The following SAMD12 variants were observed in gnomAD, a reference collection of about 807,000 sequenced individuals.
SAMD12 encodes the protein sterile alpha motif domain containing 12.
SAMD12 carries 9 observed loss-of-function variants against 15.0 expected under a neutral mutation model. That is an observed-to-expected ratio of 0.60 (90% CI 0.36 to 1.05). SAMD12 has a LOEUF of 1.05. SAMD12 is among the 50% of genes least tolerant of loss of function. The pLI is 0.01. For synonymous variants in SAMD12, 86 were observed against 90.1 expected (o/e 0.96, Z 0.25); for missense variants, 230 against 234.2 (o/e 0.98, Z 0.12).
intron 3 of SAMD12, among the ~76,000 whole-genome samples, chr8:118,417,344 A>T (rs1012868366): frequency 1.6e-4 from 24 of 152,174 alleles, no homozygotes; most frequent in African/African-American, 5.8e-4. Context: ...TTGGCCTCCC[A>T]AAGTGCTAGG....
the SAMD12 span, among the ~76,000 whole-genome samples, chr8:118,154,507 G>A: frequency 2.4e-4 from 37 of 152,180 alleles, no homozygotes; most frequent in Middle Eastern, 6.8e-3. Context: ...TGCATGTATC[G>A]ATTACTCAGA....
At chr8:118,238,403 C>T (rs1235716406) in intron 4 of SAMD12, among the ~76,000 whole-genome samples, 1 of 152,088 alleles carries the variant, frequency 6.6e-6, no homozygotes, top group Non-Finnish European at 1.5e-5. Context: ...TAAGTGCATT[C>T]TCATTGTTGT....
chr8:118,304,759 C>CATAA (rs55985938), intron 4 of SAMD12, among the ~76,000 whole-genome samples: 68,666 of 141,234 alleles, frequency 0.49, 18,408 homozygotes, highest in Non-Finnish European at 0.6. Context: ...GACTCCATCT[C>CATAA]ATAAATAAAT....
rs73317395 is a variant in SAMD12 at position 118,527,733 on chromosome 8, T to A, written c.192+52982A>T. On this transcript the variant is annotated intron_variant, in intron 2 of 3. Coordinates refer to ENST00000314727, the MANE Select transcript of SAMD12 (RefSeq NM_207506.3). ...AGCAGTCTTTATTATATTTTTGAAA[T>A]CCCCACTTATTCCTACTTAATCTTG... Among the ~76,000 whole-genome samples, 1,291 of 152,246 alleles carry A rather than the reference T, an allele frequency of 8.5e-3. 23 individuals carry two copies. Among genetic ancestry groups the A allele is most frequent in the African/African-American group, 0.029 (1,226 of 41,560 alleles).
At chr8:118,335,352 T>C (rs1817007164) in intron 4 of SAMD12, among the ~76,000 whole-genome samples, 1 of 152,182 alleles carries the variant, frequency 6.6e-6, no homozygotes. Context: ...TCCCACTCTC[T>C]CACCCAATAC....
At chr8:118,449,387 C>A (rs1435908775) in intron 2 of SAMD12, among the ~76,000 whole-genome samples, 1 of 151,724 alleles carries the variant, frequency 6.6e-6, no homozygotes, top group Non-Finnish European at 1.5e-5. Context: ...TGGATTCCAG[C>A]CAACTTGAGC....
intron 2 of SAMD12, among the ~76,000 whole-genome samples, chr8:118,494,741 C>T (rs933922025): frequency 1.3e-5 from 2 of 152,146 alleles, no homozygotes; most frequent in Non-Finnish European, 2.9e-5. Context: ...CCTTCATCTC[C>T]TTATCTTTTA....
At chr8:118,575,546 A>C (rs907685921) in intron 2 of SAMD12, among the ~76,000 whole-genome samples, 3 of 152,188 alleles carry the variant, frequency 2.0e-5, no homozygotes, top group African/African-American at 4.8e-5. Flanking sequence ...CCTCCAGATT[A>C]TTAGCCAGAA....
At chr8:118,171,166 C>A in the SAMD12 span, among the ~76,000 whole-genome samples, 1 of 152,102 alleles carries the variant, frequency 6.6e-6, no homozygotes, top group Non-Finnish European at 1.5e-5. Flanking sequence ...GAAAAGGTTG[C>A]AAAATGACAA....
chr8:118,412,886 G>A (rs1254949747), intron 3 of SAMD12, among the ~76,000 whole-genome samples: 4 of 152,164 alleles, frequency 2.6e-5, no homozygotes, highest in African/African-American at 9.7e-5. Flanking sequence ...CTTGGCAGTG[G>A]GGTGGTACTG....
chr8:118,276,560 T>G (rs1813479314), intron 4 of SAMD12, among the ~76,000 whole-genome samples: 1 of 152,228 alleles, frequency 6.6e-6, no homozygotes, highest in South Asian at 2.1e-4. Flanking sequence ...TTGACAACTT[T>G]TGTCTTTTAA....
At chr8:118,252,315 G>A (rs1381378708) in intron 4 of SAMD12, among the ~76,000 whole-genome samples, 1 of 152,194 alleles carries the variant, frequency 6.6e-6, no homozygotes, top group Non-Finnish European at 1.5e-5. Flanking sequence ...GATGGAGACA[G>A]GGATGCTCAT....
At chr8:118,389,117 C>CAAA (rs1339265357) in intron 3 of SAMD12, among the ~76,000 whole-genome samples, 1 of 152,144 alleles carries the variant, frequency 6.6e-6, no homozygotes, top group African/African-American at 2.4e-5. Context: ...CATCCCTCTC[C>CAAA]AGCATTTCAC....
chr8:118,439,266 C>G (rs1454054130), intron 3 of SAMD12, among the ~76,000 whole-genome samples: 2 of 152,082 alleles, frequency 1.3e-5, no homozygotes, highest in Non-Finnish European at 2.9e-5. Context: ...TTATTATATT[C>G]CATTTCAGAA....
At position 118,386,470 on chromosome 8, in the gene SAMD12, T is replaced by C. The variant is rs574957678; in HGVS notation, c.323-6770A>G. Among the ~76,000 whole-genome samples, 3 of 152,274 alleles carry C rather than the reference T, an allele frequency of 2.0e-5. No homozygotes were observed. In the East Asian group the frequency reaches 5.8e-4, roughly 29 times the overall value. ...TCCCTTGTGAAGATCCTCAACTTAA[T>C]ACATCTGCAAAGACCCTTTGTCCTT... On this transcript the variant is annotated intron_variant, in intron 3 of 3. Transcript: ENST00000314727.
At chr8:118,483,193 T>A (rs574333120) in intron 2 of SAMD12, among the ~76,000 whole-genome samples, 1 of 152,296 alleles carries the variant, frequency 6.6e-6, no homozygotes, top group African/African-American at 2.4e-5. Context: ...AGAAAACATA[T>A]CTGCTATTTG....
intron 4 of SAMD12, among the ~76,000 whole-genome samples, chr8:118,333,721 T>C (rs1211545963): frequency 2.6e-5 from 4 of 152,182 alleles, no homozygotes. Flanking sequence ...CATTCTCCTC[T>C]AGCCTCCTCT....
At chr8:118,245,861 ATTT>A (rs1038732561) in intron 4 of SAMD12, among the ~76,000 whole-genome samples, 4 of 152,094 alleles carry the variant, frequency 2.6e-5, no homozygotes, top group African/African-American at 9.7e-5. Context: ...GTTAAGTTGA[ATTT>A]TGATTGAGAA....
intron 1 of SAMD12, among the ~76,000 whole-genome samples, chr8:118,596,354 C>T (rs535812652): frequency 6.6e-6 from 1 of 152,330 alleles, no homozygotes; most frequent in Admixed American, 6.5e-5. Flanking sequence ...AGTAATTTGT[C>T]AACTCACATG....
Sources: allele counts gnomAD v4.1 joint callset (sites outside exome capture counted in the v4.1 genomes callset), GRCh38; gene constraint gnomAD v4.1.1; transcripts MANE v1.5; gene names NCBI Gene and HGNC (gene_info 2026-07-23, HGNC 2026-07-21).